Variants in TMEM178B observed in about 807,000 individuals in gnomAD.
TMEM178B encodes transmembrane protein 178B.
Under a neutral mutation model 31.0 loss-of-function variants are expected in TMEM178B, and 5 were observed. That is an observed-to-expected ratio of 0.16 (90% CI 0.08 to 0.34). The LOEUF is 0.34. TMEM178B is among the 10% of genes least tolerant of loss of function. The pLI, the probability that TMEM178B is intolerant of heterozygous loss-of-function variation, is 1.00. For synonymous variants in TMEM178B, 164 were observed against 164.0 expected (o/e 1.00, Z 0.00); for missense variants, 275 against 400.3 (o/e 0.69, Z 2.67).
intron 1 of TMEM178B, among the ~76,000 whole-genome samples, chr7:141,210,355 T>C (rs1797034331): frequency 6.6e-6 from 1 of 152,032 alleles, no homozygotes; most frequent in Admixed American, 6.5e-5. Context: ...TCCCAGCTAC[T>C]TGGGGGCTGA....
At chr7:141,250,533 C>A (rs1331786389) in intron 2 of TMEM178B, among the ~76,000 whole-genome samples, 3 of 152,118 alleles carry the variant, frequency 2.0e-5, no homozygotes, top group Non-Finnish European at 2.9e-5. Flanking sequence ...GTAGGGAGAA[C>A]CACTTAGTTC....
intron 2 of TMEM178B, among the ~76,000 whole-genome samples, chr7:141,277,152 T>C (rs1798279471): frequency 6.6e-6 from 1 of 152,218 alleles, no homozygotes; most frequent in Non-Finnish European, 1.5e-5. Context: ...TAATCAACTT[T>C]ACTGTATAAA....
intron 2 of TMEM178B, among the ~76,000 whole-genome samples, chr7:141,257,309 T>C (rs1797943555): frequency 6.6e-6 from 1 of 152,218 alleles, no homozygotes; most frequent in African/African-American, 2.4e-5. Flanking sequence ...TCCCTCACTT[T>C]CTTCTTTCTC....
intron 1 of TMEM178B, among the ~76,000 whole-genome samples, chr7:141,166,343 T>C (rs1481864232): frequency 1.3e-5 from 2 of 152,192 alleles, no homozygotes; most frequent in East Asian, 3.8e-4. Context: ...TTGGGAACAG[T>C]CAACTTTCCT....
At chr7:141,270,212 G>T (rs980434171) in intron 2 of TMEM178B, among the ~76,000 whole-genome samples, 7 of 152,162 alleles carry the variant, frequency 4.6e-5, no homozygotes, top group African/African-American at 1.7e-4. Flanking sequence ...TGTATGGTCA[G>T]TACACAGCTC....
chr7:141,435,993 T>A lies in TMEM178B; in HGVS notation c.497-1615T>A, dbSNP rs115020526. On this transcript the variant is annotated intron_variant, in intron 2 of 3. Transcript: ENST00000565468. ...AGGGTCTGCTGCTGTTCCCCTCCTG[T>A]GCCCCGTCTCTCCCCACTCCCCGGC... Among the ~76,000 whole-genome samples, 757 of 152,212 alleles carry A rather than the reference T, an allele frequency of 5.0e-3. 8 individuals are homozygous for A. Among genetic ancestry groups the A allele is most frequent in the African/African-American group, 0.017 (698 of 41,554 alleles).
chr7:141,204,161 G>C (rs956335455), intron 1 of TMEM178B, among the ~76,000 whole-genome samples: 3 of 152,226 alleles, frequency 2.0e-5, no homozygotes, highest in African/African-American at 7.2e-5. Context: ...GACTCTGAGG[G>C]AAGCAGGTGG....
At chr7:141,092,721 T>A (rs1424366590) in intron 1 of TMEM178B, among the ~76,000 whole-genome samples, 1 of 151,704 alleles carries the variant, frequency 6.6e-6, no homozygotes, top group East Asian at 1.9e-4. Flanking sequence ...ATATAATACA[T>A]TAGATAAAGC....
chr7:141,238,022 TAAAAAAA>T (rs1207360561), intron 2 of TMEM178B, among the ~76,000 whole-genome samples: 1 of 111,676 alleles, frequency 9.0e-6, no homozygotes, highest in Non-Finnish European at 1.8e-5. Flanking sequence ...AGACTCTGTC[TAAAAAAA>T]AAAAAAAAAA....
intron 2 of TMEM178B, among the ~76,000 whole-genome samples, chr7:141,330,369 T>TA (rs1297326751): frequency 1.3e-5 from 2 of 152,170 alleles, no homozygotes; most frequent in Non-Finnish European, 2.9e-5. Flanking sequence ...AGTGAGAACA[T>TA]ATGGTGTTTG....
At chr7:141,104,741 A>G (rs1197154440) in intron 1 of TMEM178B, among the ~76,000 whole-genome samples, 2 of 152,156 alleles carry the variant, frequency 1.3e-5, no homozygotes, top group African/African-American at 4.8e-5. Context: ...GGGCTTGTAG[A>G]TGCTGTCTTC....
chr7:141,087,165 A>T (rs1367283075), intron 1 of TMEM178B, among the ~76,000 whole-genome samples: 1 of 152,198 alleles, frequency 6.6e-6, no homozygotes, highest in East Asian at 1.9e-4. Flanking sequence ...TTACCAGAAA[A>T]CTTTGTCCCT....
intron 2 of TMEM178B, among the ~76,000 whole-genome samples, chr7:141,333,732 G>A (rs1443537824): frequency 6.6e-6 from 1 of 152,210 alleles, no homozygotes; most frequent in Non-Finnish European, 1.5e-5. Context: ...CTGGTTTCAT[G>A]GAAGATAATT....
At chr7:141,379,382 G>A (rs1416694185) in intron 2 of TMEM178B, among the ~76,000 whole-genome samples, 2 of 152,154 alleles carry the variant, frequency 1.3e-5, no homozygotes, top group East Asian at 3.9e-4. Flanking sequence ...CTACTCGGAA[G>A]GCTGAGTCAG....
At chr7:141,213,634 C>G (rs1240199091) in intron 2 of TMEM178B, among the ~76,000 whole-genome samples, 1 of 152,172 alleles carries the variant, frequency 6.6e-6, no homozygotes, top group Non-Finnish European at 1.5e-5. Flanking sequence ...GATGGTAGAT[C>G]TCTAGATGGA....
chr7:141,356,538 T>A (rs1015887254), intron 2 of TMEM178B, among the ~76,000 whole-genome samples: 1 of 151,870 alleles, frequency 6.6e-6, no homozygotes, highest in African/African-American at 2.4e-5. Flanking sequence ...AATCTGTTCA[T>A]GTCTTTTGCT....
At chr7:141,261,915 T>C (rs1053097463) in intron 2 of TMEM178B, among the ~76,000 whole-genome samples, 1 of 152,116 alleles carries the variant, frequency 6.6e-6, no homozygotes, top group Non-Finnish European at 1.5e-5. Context: ...CTTGCTAGGC[T>C]CCTGTTTCCA....
At chr7:141,370,537 G>A (rs542107058) in intron 2 of TMEM178B, among the ~76,000 whole-genome samples, 2 of 152,160 alleles carry the variant, frequency 1.3e-5, no homozygotes, top group Non-Finnish European at 2.9e-5. Context: ...TAATAGACAG[G>A]GACTTTTATT....
intron 1 of TMEM178B, among the ~76,000 whole-genome samples, chr7:141,212,003 C>T (rs902736434): frequency 6.6e-6 from 1 of 152,180 alleles, no homozygotes; most frequent in African/African-American, 2.4e-5. Context: ...ACTAGTAAAG[C>T]ATGCTTTGAT....
Sources: allele counts gnomAD v4.1 joint callset (sites outside exome capture counted in the v4.1 genomes callset), GRCh38; gene constraint gnomAD v4.1.1; transcripts MANE v1.5; gene names NCBI Gene and HGNC (gene_info 2026-07-23, HGNC 2026-07-21).